The following LRCH3 variants were observed in gnomAD, a reference collection of about 807,000 sequenced individuals.
LRCH3 encodes the protein DISP complex protein LRCH3.
In LRCH3, 68 loss-of-function variants were observed where a neutral mutation model predicts 104.5. The observed-to-expected ratio is 0.65, with a 90% CI of 0.54 to 0.80. LRCH3 has a LOEUF of 0.80. Ranked by LOEUF, LRCH3 falls within the 30% of genes least tolerant of loss-of-function variation. The probability of loss-of-function intolerance (pLI) is 0.00; values close to 1 mark genes in which losing one functional copy is unlikely to be tolerated. For synonymous variants in LRCH3, 344 were observed against 361.3 expected, an observed-to-expected ratio of 0.95 and a Z score of 0.54; for missense variants, 951 against 953.9, an observed-to-expected ratio of 1.00 and a Z score of 0.04.
In LRCH3 at chr3:197,886,500, A is replaced by G. The variant is rs1327219920; in HGVS notation, c.*2834A>G. The G allele has an allele frequency of 2.0e-5, 3 of 152,196 alleles. No homozygotes were observed. The highest frequency in any genetic ancestry group is 4.4e-5 in the Non-Finnish European group (3 of 68,036). 9.4% of individuals were successfully genotyped at this position (152,196 alleles called of 1,614,324 possible). On this transcript the variant is annotated 3_prime_UTR_variant, in exon 21 of 21. Transcript: ENST00000425562. ...ACTTGTTTAGAATTTAGCCATGTGC[A>G]TTTTTAAACTGTGTTTGTCAACATT...
At chr3:197,843,675 AT>A (rs879868364) in intron 10 of LRCH3, among the ~76,000 whole-genome samples, 4 of 152,130 alleles carry the variant, frequency 2.6e-5, no homozygotes, top group Non-Finnish European at 5.9e-5. Context: ...CAGATACGCC[AT>A]CTCAAAAGAA....
Position 197,883,393 on chromosome 3 carries a change from T to G in LRCH3, c.2209-148T>G. On this transcript the variant is annotated intron_variant, in intron 20 of 20. Coordinates refer to ENST00000425562, the MANE Select transcript of LRCH3 (RefSeq NM_001365715.1). The surrounding 1 kb of genome is among the most constrained non-coding windows in gnomAD (Gnocchi z 4.2). ...CAGACACCATCTCTCTAACTCATAT[T>G]TACACTGAGGTCAGTTTCCCAGGTA... 7.1e-7 allele frequency: 1 copy of G among 1,401,714 alleles called. No homozygotes were observed. The highest frequency in any genetic ancestry group is 9.3e-7 in the Non-Finnish European group (1 of 1,072,414). The allele number at this position is 1,401,714 out of a possible 1,614,324, so 86.8% of individuals were successfully genotyped here.
At chr3:197,813,671 C>T (rs1733484762) in intron 1 of LRCH3, among the ~76,000 whole-genome samples, 1 of 151,722 alleles carries the variant, frequency 6.6e-6, no homozygotes, top group Non-Finnish European at 1.5e-5. Context: ...GCTGGGATTA[C>T]AGGTGTGTGC....
At chr3:197,831,109 C>G in intron 7 of LRCH3, 1 of 362,342 alleles carries the variant, frequency 2.8e-6, no homozygotes, top group Non-Finnish European at 5.2e-6. Context: ...CATAGAAAGG[C>G]AAACAGGAGC....
At chr3:197,824,406 T>C (rs898946596) in intron 4 of LRCH3, among the ~76,000 whole-genome samples, 1 of 150,298 alleles carries the variant, frequency 6.7e-6, no homozygotes, top group Admixed American at 6.7e-5. Flanking sequence ...CTTATCTTTT[T>C]ATATGCTTAT....
intron 10 of LRCH3, among the ~76,000 whole-genome samples, chr3:197,842,618 C>T (rs1737971543): frequency 6.6e-6 from 1 of 152,086 alleles, no homozygotes; most frequent in Non-Finnish European, 1.5e-5. Flanking sequence ...CATTTCTTCC[C>T]ACCTACCACT....
intron 10 of LRCH3, among the ~76,000 whole-genome samples, chr3:197,845,229 C>T (rs188219229): frequency 6.6e-4 from 100 of 150,458 alleles, no homozygotes; most frequent in African/African-American, 2.3e-3. Flanking sequence ...GGCAACATGG[C>T]GAAACCCCAT....
chr3:197,834,383 C>G (rs1736400237), intron 8 of LRCH3, among the ~76,000 whole-genome samples: 2 of 152,182 alleles, frequency 1.3e-5, no homozygotes, highest in Admixed American at 1.3e-4. Flanking sequence ...TATAAAATAT[C>G]TACATTGCTG....
chr3:197,820,436 A>C lies in LRCH3; in HGVS notation c.640+6A>C, dbSNP rs1352999456. 6.8e-7 allele frequency: 1 copy of C among 1,480,246 alleles called. No homozygotes were observed. The highest frequency in any genetic ancestry group is 9.4e-7 in the Non-Finnish European group (1 of 1,063,454). The allele number at this position is 1,480,246 out of a possible 1,614,324, so 91.7% of individuals were successfully genotyped here. A position where few individuals can be genotyped will look rare whatever the true frequency, so the allele number is the denominator to read the frequency against. On this transcript the variant is annotated splice_donor_region_variant and intron_variant, in intron 4 of 20. Transcript: ENST00000425562. ...CCTAGTACATTTGCCTGAAGGTAAG[A>C]AACTATGAAATAAGAAACCATGAAA...
intron 6 of LRCH3, among the ~76,000 whole-genome samples, chr3:197,830,387 T>C (rs1255587308): frequency 1.6e-4 from 25 of 152,200 alleles, no homozygotes; most frequent in Non-Finnish European, 4.4e-5. Flanking sequence ...TCTTAGGCCT[T>C]TAAACAAGCA....
intron 20 of LRCH3, chr3:197,880,557 G>A (rs1477888525): frequency 1.7e-5 from 26 of 1,536,270 alleles, no homozygotes; most frequent in African/African-American, 2.7e-5. Flanking sequence ...AAACCTCAGC[G>A]TTAAAAGAAC....
chr3:197,867,542 A>G (rs1711506612), intron 17 of LRCH3, among the ~76,000 whole-genome samples: 1 of 151,598 alleles, frequency 6.6e-6, no homozygotes, highest in African/African-American at 2.4e-5. Context: ...ACATGGCAAA[A>G]CCCCATCTCT....
Position 197,866,169 on chromosome 3 carries a change from G to C in LRCH3, c.1823G>C (p.Arg608Pro). ...GCTATCCAGAGAAATCAGCCTCAGC[G>C]CCCTGAAAGCTTCCTTTTCCGAGCA... ...PAAIQRNQPQ[R>P]PESFLFRAGV... The change falls in exon 17 of 21, where the codon CGC becomes CCC. Residue 608 changes from arginine (R) to proline (P), a missense_variant. Coordinates refer to ENST00000425562, the MANE Select transcript of LRCH3 (RefSeq NM_001365715.1). The C allele has an allele frequency of 6.2e-7, 1 of 1,614,022 alleles. No individual in the cohort carries two copies. Among genetic ancestry groups the C allele is most frequent in the Non-Finnish European group, 8.5e-7 (1 of 1,179,990 alleles).
intron 20 of LRCH3, chr3:197,882,408 TAAATA>T (rs1580932107): frequency 1.8e-5 from 18 of 974,472 alleles, no homozygotes; most frequent in Non-Finnish European, 2.2e-5. Flanking sequence ...AAATAAGTAT[TAAATA>T]AAAAGTAAGC....
In LRCH3 at chr3:197,856,220, C is replaced by T. The variant is rs2109437624; in HGVS notation, c.1644+1775C>T. ...TCTTTAACATGACTTTTCGGCAGCC[C>T]ACCACCCTTAAATCAGCCCACAGTT... On this transcript the variant is annotated intron_variant, in intron 14 of 20. Transcript: ENST00000425562. This position sits in a 1 kb window ranked among gnomAD's most constrained non-coding sequence, Gnocchi z 4.2. 6.6e-6 allele frequency among the ~76,000 whole-genome samples: 1 copy of T among 152,144 alleles called. No homozygotes were observed. The highest frequency in any genetic ancestry group is 2.1e-4 in the South Asian group (1 of 4,814).
At chr3:197,872,571 A>G (rs1712340147) in intron 19 of LRCH3, among the ~76,000 whole-genome samples, 1 of 152,062 alleles carries the variant, frequency 6.6e-6, no homozygotes, top group Non-Finnish European at 1.5e-5. Flanking sequence ...GAAAAAGGAA[A>G]AGAGACTGGG....
intron 17 of LRCH3, among the ~76,000 whole-genome samples, chr3:197,867,045 C>T (rs186462669): frequency 1.8e-4 from 27 of 151,944 alleles, no homozygotes; most frequent in Admixed American, 1.6e-3. Flanking sequence ...GAGGCCAAGG[C>T]GAGCAGATCA....
chr3:197,833,272 C>T (rs553711104), intron 8 of LRCH3, among the ~76,000 whole-genome samples: 26 of 138,982 alleles, frequency 1.9e-4, no homozygotes, highest in African/African-American at 6.1e-4. Context: ...GTAATCCCAA[C>T]ACTTTGGGAG....
intron 10 of LRCH3, among the ~76,000 whole-genome samples, chr3:197,844,867 G>A (rs1019317687): frequency 4.6e-5 from 7 of 152,042 alleles, no homozygotes; most frequent in Non-Finnish European, 7.4e-5. Context: ...TGATCCGCCC[G>A]CCTCGGCCTC....
Sources: gnomAD v4.1 joint callset for allele counts (sites outside exome capture counted in the v4.1 genomes callset) on GRCh38, gnomAD v4.1.1 for gene constraint, Gnocchi (gnomAD v3.1) non-coding constraint, MANE v1.5 for transcripts, NCBI Gene and HGNC (gene_info 2026-07-23, HGNC 2026-07-21) for gene names.